Variants in FAM117A observed in about 807,000 individuals in gnomAD.
FAM117A encodes protein FAM117A.
In FAM117A, 21 loss-of-function variants were observed where a neutral mutation model predicts 44.1. That is an observed-to-expected ratio of 0.48 (90% CI 0.34 to 0.69). The LOEUF is 0.69. Ranked by LOEUF, FAM117A falls within the 30% of genes least tolerant of loss-of-function variation. The pLI is 0.01. For missense variants in FAM117A, 498 were observed against 589.9 expected, an observed-to-expected ratio of 0.84 and a Z score of 1.61; for synonymous variants, 220 against 238.3, an observed-to-expected ratio of 0.92 and a Z score of 0.71.
At chr17:49,720,001 A>G in intron 4 of FAM117A, 107 bp from the exon 5 acceptor site, 1 of 1,427,060 alleles carries the variant, frequency 7.0e-7, no homozygotes. Flanking sequence ...AACTGAGTGA[A>G]TGAAGGGTGA....
intron 1 of FAM117A, among the ~76,000 whole-genome samples, chr17:49,787,812 TGGGGGCTTCAACTTCA>T (rs2073824704): frequency 6.6e-6 from 1 of 152,210 alleles, no homozygotes; most frequent in Admixed American, 6.5e-5. Flanking sequence ...TCCATTCTTT[TGGGGGCTTCAACTTCA>T]CTAAAAACAT....
At chr17:49,726,408 C>T (rs1598022635) in intron 2 of FAM117A, among the ~76,000 whole-genome samples, 1 of 152,194 alleles carries the variant, frequency 6.6e-6, no homozygotes. Flanking sequence ...GACGGGGTTT[C>T]ACCATGTTGG....
chr17:49,753,919 T>G (rs1309473019), intron 1 of FAM117A, among the ~76,000 whole-genome samples: 2 of 152,242 alleles, frequency 1.3e-5, no homozygotes, highest in Non-Finnish European at 2.9e-5. Flanking sequence ...CAACTGTTTT[T>G]GTCTTCCTCT....
At chr17:49,748,660 T>G (rs1278320688) in intron 1 of FAM117A, among the ~76,000 whole-genome samples, 2 of 152,304 alleles carry the variant, frequency 1.3e-5, no homozygotes, top group Admixed American at 1.3e-4. Context: ...TGGTCAGGAT[T>G]AATTAAGTCT....
intron 1 of FAM117A, among the ~76,000 whole-genome samples, chr17:49,739,516 G>A (rs1181281200): frequency 6.6e-6 from 1 of 152,186 alleles, no homozygotes; most frequent in Non-Finnish European, 1.5e-5. Flanking sequence ...TTCTAGGTGA[G>A]CCTAGTTGAG....
chr17:49,726,838 G>C (rs1043260956), intron 2 of FAM117A, among the ~76,000 whole-genome samples: 1 of 152,002 alleles, frequency 6.6e-6, no homozygotes, highest in African/African-American at 2.4e-5. Context: ...AAATTAGCCA[G>C]TTATGGTGGT....
chr17:49,779,886 C>T (rs1216694785), intron 1 of FAM117A, among the ~76,000 whole-genome samples: 1 of 152,208 alleles, frequency 6.6e-6, no homozygotes, highest in Non-Finnish European at 1.5e-5. Context: ...GTGACATCTG[C>T]TGGCAAGGCT....
intron 1 of FAM117A, among the ~76,000 whole-genome samples, chr17:49,750,261 C>CAGAT (rs1323930071): frequency 6.7e-6 from 1 of 148,892 alleles, no homozygotes; most frequent in African/African-American, 2.4e-5. Context: ...ACACGCAAGA[C>CAGAT]AGATACTCAC....
At chr17:49,788,074 T>C (rs2073828308) in intron 1 of FAM117A, among the ~76,000 whole-genome samples, 1 of 152,200 alleles carries the variant, frequency 6.6e-6, no homozygotes, top group Non-Finnish European at 1.5e-5. Flanking sequence ...TTCTGGAGAA[T>C]GGTTTTGCCT....
At chr17:49,719,623 T>C in intron 5 of FAM117A, 137 bp downstream of exon 5, 1 of 1,065,466 alleles carries the variant, frequency 9.4e-7, no homozygotes, top group East Asian at 2.8e-5. Context: ...GCATTCCTTT[T>C]GCAGGCTGGT....
chr17:49,740,884 A>G (rs2073631559), intron 1 of FAM117A, among the ~76,000 whole-genome samples: 1 of 152,224 alleles, frequency 6.6e-6, no homozygotes, highest in South Asian at 2.1e-4. Flanking sequence ...GACAGTAGAT[A>G]ATGCAGGAAC....
intron 1 of FAM117A, among the ~76,000 whole-genome samples, chr17:49,737,425 CAA>C (rs1555596198): frequency 6.6e-6 from 1 of 152,114 alleles, no homozygotes; most frequent in Non-Finnish European, 1.5e-5. Flanking sequence ...GACAGATAAC[CAA>C]AGAGGCAGAT....
chr17:49,762,258 G>A (rs955600768), intron 1 of FAM117A, among the ~76,000 whole-genome samples: 6 of 152,164 alleles, frequency 3.9e-5, no homozygotes, highest in African/African-American at 1.2e-4. Context: ...AAGTGACTAA[G>A]GTTCCGGTTC....
upstream of FAM117A, chr17:49,788,640 C>A (rs552429877): frequency 3.9e-6 from 2 of 518,186 alleles, no homozygotes; most frequent in Admixed American, 3.9e-5. Context: ...CGAGACCCAG[C>A]CGGAAGTGAA....
upstream of FAM117A, among the ~76,000 whole-genome samples, chr17:49,764,338 T>G (rs1399849980): frequency 6.6e-6 from 1 of 152,134 alleles, no homozygotes; most frequent in Non-Finnish European, 1.5e-5. Flanking sequence ...CCTTCGGTTT[T>G]CCAACATCCC....
chr17:49,763,930 T>G lies in FAM117A; in HGVS notation c.158A>C (p.Gln53Pro). The G allele has an allele frequency of 8.2e-7, 1 of 1,220,352 alleles. No individual in the cohort carries two copies. The highest frequency in any genetic ancestry group is 3.3e-5 in the East Asian group (1 of 30,142). The allele number at this position is 1,220,352 out of a possible 1,614,324, so 75.6% of individuals were successfully genotyped here. A position where few individuals can be genotyped will look rare whatever the true frequency, so the allele number is the denominator to read the frequency against. ...PLRATIPFQL[Q>P]QPHQRRDGGG... ...CCCGTCCCGGCGCTGGTGCGGCTGC[T>G]GCAGCTGGAAGGGGATCGTGGCCCT... The change falls in exon 1 of 8, where the codon CAG (glutamine) becomes CCG (proline). Residue 53 changes from glutamine to proline, a missense_variant. Physicochemically the swap from Gln to Pro is moderately conservative, Grantham distance 76. Transcript: ENST00000240364.
chr17:49,770,834 G>A (rs1307974505), intron 1 of FAM117A, among the ~76,000 whole-genome samples: 1 of 152,170 alleles, frequency 6.6e-6, no homozygotes, highest in Admixed American at 6.5e-5. Flanking sequence ...AGCCTGGGAG[G>A]TGGAGGTTGC....
chr17:49,729,888 A>T (rs2073577607), intron 2 of FAM117A, among the ~76,000 whole-genome samples: 1 of 151,940 alleles, frequency 6.6e-6, no homozygotes, highest in South Asian at 2.1e-4. Flanking sequence ...CCCTCTCCAG[A>T]CACCTTCATG....
At chr17:49,778,251 C>CA (rs1283861584) in intron 1 of FAM117A, among the ~76,000 whole-genome samples, 3 of 152,128 alleles carry the variant, frequency 2.0e-5, no homozygotes, top group Admixed American at 6.5e-5. Flanking sequence ...TTTAAGCTAA[C>CA]AACAAAAATA....
Sources: allele counts gnomAD v4.1 joint callset (sites outside exome capture counted in the v4.1 genomes callset), GRCh38; gene constraint gnomAD v4.1.1; transcripts MANE v1.5; gene names NCBI Gene and HGNC (gene_info 2026-07-23, HGNC 2026-07-21).